The following ATAT1 variants were observed in gnomAD, a reference collection of about 807,000 sequenced individuals.
ATAT1 encodes alpha-tubulin N-acetyltransferase 1.
A neutral mutation model predicts 57.2 loss-of-function variants in ATAT1; 42 were observed. The ratio of observed to expected loss-of-function variants is 0.73; its 90% CI spans 0.57 to 0.95. The LOEUF is 0.95. Ranked by LOEUF, ATAT1 falls within the 40% of genes least tolerant of loss-of-function variation. The pLI is 0.00. For missense variants in ATAT1, 454 were observed against 523.7 expected, an observed-to-expected ratio of 0.87 and a Z score of 1.30; for synonymous variants, 168 against 187.1, an observed-to-expected ratio of 0.90 and a Z score of 0.83.
chr6:30,645,177 A>T (rs776175206), intron 10 of ATAT1, among the ~76,000 whole-genome samples: 10 of 151,160 alleles, frequency 6.6e-5, no homozygotes, highest in Non-Finnish European at 8.8e-5. Context: ...TAAATTCAAA[A>T]TTCAGCCTTG....
rs147473990 is a variant in ATAT1 at position 30,627,721 on chromosome 6, C to T, written c.218C>T (p.Ala73Val). 4 of 1,612,574 alleles carry T rather than the reference C, an allele frequency of 2.5e-6. No homozygotes were observed. The highest frequency in any genetic ancestry group is 3.3e-5 in the Admixed American group (2 of 60,000). Reference sequence around the variant, plus strand: ...GTTTATATTCTCAAAGACAGTTCAGCCCGACCGTGAGTGCCACATGCTCTT... The same window carrying T: ...GTTTATATTCTCAAAGACAGTTCAGTCCGACCGTGAGTGCCACATGCTCTT... The change falls in exon 3 of 13, where the codon GCC (alanine) becomes GTC (valine). Residue 73 changes from alanine (A) to valine (V), a missense_variant. Coordinates refer to ENST00000330083, the MANE Select transcript of ATAT1 (RefSeq NM_001031722.4).
chr6:30,646,442 C>G (rs781071404), intron 12 of ATAT1, 27 bp from the exon 13 acceptor site: 3 of 1,540,260 alleles, frequency 1.9e-6, no homozygotes, highest in South Asian at 2.5e-5. Context: ...ATTCCTATAA[C>G]CCACTCTCCA....
chr6:30,646,764 G>C lies in ATAT1; in HGVS notation c.*121G>C. 7.4e-7 allele frequency: 1 copy of C among 1,346,776 alleles called. No homozygotes were observed. The allele number at this position is 1,346,776 out of a possible 1,614,324, so 83.4% of individuals were successfully genotyped here. ...ATTCATTCATTCAGCAGGCTTATCA[G>C]ATTCAAGTCATTTGTATCTTTTAAC... is the stretch of plus-strand genomic sequence containing the variant. On this transcript the variant is annotated 3_prime_UTR_variant, in exon 13 of 13. Coordinates refer to ENST00000330083, the MANE Select transcript of ATAT1 (RefSeq NM_001031722.4).
chr6:30,642,104 A>G, intron 8 of ATAT1, 72 bp from the exon 9 acceptor site: 4 of 1,609,030 alleles, frequency 2.5e-6, no homozygotes, highest in African/African-American at 1.3e-5. Flanking sequence ...GGGTTGGGGT[A>G]TAGTGGCTGG....
At chr6:30,639,871 C>T (rs923184720) in intron 6 of ATAT1, among the ~76,000 whole-genome samples, 2 of 151,864 alleles carry the variant, frequency 1.3e-5, no homozygotes, top group South Asian at 4.1e-4. Flanking sequence ...TGGTGGCTCA[C>T]GTCTATAATC....
intron 10 of ATAT1, chr6:30,643,345 C>T (rs1765941068): frequency 7.0e-7 from 1 of 1,433,964 alleles, no homozygotes; most frequent in Non-Finnish European, 9.1e-7. Context: ...GGGGAAGGGG[C>T]AGTGTCTGAC....
chr6:30,627,210 T>G lies in ATAT1; in HGVS notation c.7T>G (p.Leu3Val), dbSNP rs984129470. Residue 3 changes from leucine (L) to valine (V), a missense_variant, in exon 1 of 13, where the codon TTG becomes GTG. Around this residue, in one of 3 missense-constraint regions of ATAT1, gnomAD observed 236 missense variants for 284.5 expected, o/e 0.83. Transcript: ENST00000330083. ...AAAATGTCCCAATCAAAGGATGTGG[T>G]TGACCTGGCCTTTCTGCTTCCTCAC... The G allele has an allele frequency of 6.2e-7, 1 of 1,613,818 alleles. No homozygotes were observed. Among genetic ancestry groups the G allele is most frequent in the East Asian group, 2.2e-5 (1 of 44,882 alleles).
intron 6 of ATAT1, among the ~76,000 whole-genome samples, chr6:30,633,449 C>A (rs1006723306): frequency 6.6e-6 from 1 of 152,128 alleles, no homozygotes; most frequent in Admixed American, 6.6e-5. Context: ...GAAGTGAGGA[C>A]CCCCAACTGG....
Position 30,640,498 on chromosome 6 carries a change from CCCTCACTGAGGGGCCCCGCCGCTTCCTT to C in ATAT1, c.548-30_548-3del. Reference sequence around the variant, plus strand: ...GAGCTGGACTCTTGGTCCTGCCGACCCCTCACTGAGGGGCCCCGCCGCTTCCTTCCTCACAGGGCCCCCTGCTCCCTCT... The same window carrying C: ...GAGCTGGACTCTTGGTCCTGCCGACCCCTCACAGGGCCCCCTGCTCCCTCT... On this transcript the variant is annotated splice_polypyrimidine_tract_variant and intron_variant, in intron 7 of 12. Coordinates refer to ENST00000330083, the MANE Select transcript of ATAT1 (RefSeq NM_001031722.4). 1.9e-6 allele frequency: 3 copies of C among 1,612,666 alleles called. No homozygotes were observed. Among genetic ancestry groups the C allele is most frequent in the Non-Finnish European group, 2.5e-6 (3 of 1,179,772 alleles).
rs981014246 is a variant in ATAT1, at chr6:30,646,230, A to G, written c.1055+121A>G. The G allele has an allele frequency of 3.4e-6, 5 of 1,486,156 alleles. No homozygotes were observed. The African/African-American group carries it at 7.0e-5, about 21-fold the overall frequency. The allele number at this position is 1,486,156 out of a possible 1,614,324, so 92.1% of individuals were successfully genotyped here. On this transcript the variant is annotated intron_variant, in intron 12 of 12. Coordinates refer to ENST00000330083, the MANE Select transcript of ATAT1 (RefSeq NM_001031722.4). ...TATGAACTGGACACCAGCTCCTCCC[A>G]CAATTCCTTCTACCTTACATCCTGC...
chr6:30,642,150 C>A, intron 8 of ATAT1, 26 bp from the exon 9 acceptor site: 1 of 1,613,948 alleles, frequency 6.2e-7, no homozygotes, highest in Non-Finnish European at 8.5e-7. Context: ...TAACGCTTAC[C>A]CTGCCTATGT....
In ATAT1 at chr6:30,642,833, G is replaced by GGGGCCCCCCCCCCCCCC; in HGVS notation, c.754_755insGGGCCCCCCCCCCCCCC (p.Ala252GlyfsTer73). On this transcript the variant is annotated frameshift_variant, in exon 10 of 13. Transcript: ENST00000330083. LOFTEE classifies it high-confidence loss of function. ...GGCCCCTCGCCGCGCCACACCTCCA[G>GGGGCCCCCCCCCCCCCC]CCCACCCACCCCCCCGCTCCAGCAG... The GGGGCCCCCCCCCCCCCC allele has an allele frequency of 5.2e-6, 8 of 1,537,856 alleles. No homozygotes were observed. Among genetic ancestry groups the GGGGCCCCCCCCCCCCCC allele is most frequent in the African/African-American group, 3.3e-5 (2 of 61,252 alleles).
At chr6:30,628,178 C>T in intron 5 of ATAT1, 33 bp downstream of exon 5, 1 of 1,588,660 alleles carries the variant, frequency 6.3e-7, no homozygotes, top group African/African-American at 1.3e-5. Flanking sequence ...TTCATCCAAA[C>T]TAGGGGCTCC....
Position 30,640,358 on chromosome 6 carries a change from T to C in ATAT1, c.502-19T>C. 6.2e-7 allele frequency: 1 copy of C among 1,612,744 alleles called. No individual in the cohort carries two copies. ...CGTTAAGTGATGCATGATTGTATTT[T>C]GTTTGTTTCATCTTCCAGGTGAACA... On this transcript the variant is annotated intron_variant, in intron 6 of 12. Coordinates refer to ENST00000330083, the MANE Select transcript of ATAT1 (RefSeq NM_001031722.4).
chr6:30,643,483 G>C (rs985552519), intron 10 of ATAT1: 3 of 1,542,494 alleles, frequency 1.9e-6, no homozygotes, highest in Admixed American at 4.0e-5. Context: ...CCCGCCCCCC[G>C]CCATTTCCCA....
chr6:30,629,645 C>T (rs538324149), intron 6 of ATAT1, among the ~76,000 whole-genome samples: 16 of 151,872 alleles, frequency 1.1e-4, no homozygotes, highest in Admixed American at 7.9e-4. Flanking sequence ...CCCAGGTTCA[C>T]GGCATTCTCC....
rs1297681115 is a variant in ATAT1, at chr6:30,627,049, T to C, written c.-155T>C. On this transcript the variant is annotated 5_prime_UTR_variant, in exon 1 of 13. Coordinates refer to ENST00000330083, the MANE Select transcript of ATAT1 (RefSeq NM_001031722.4). ...TCTCCCGGTTCCTCTCCAAACCTGGTCCAGGCACCACGCCCCCTTCTCACT... is the reference window on the plus strand; with the variant it reads ...TCTCCCGGTTCCTCTCCAAACCTGGCCCAGGCACCACGCCCCCTTCTCACT... 6.5e-7 allele frequency: 1 copy of C among 1,549,672 alleles called. No homozygotes were observed. The highest frequency in any genetic ancestry group is 8.7e-7 in the Non-Finnish European group (1 of 1,143,540).
At chr6:30,643,414 G>A in intron 10 of ATAT1, 1 of 1,505,704 alleles carries the variant, frequency 6.6e-7, no homozygotes, top group South Asian at 1.3e-5. Flanking sequence ...GCAGGGAGTG[G>A]GCATTTCCTT....
At chr6:30,639,191 A>G (rs1193667164) in intron 6 of ATAT1, among the ~76,000 whole-genome samples, 5 of 152,116 alleles carry the variant, frequency 3.3e-5, no homozygotes, top group Non-Finnish European at 7.3e-5. Context: ...CATCTTGGCC[A>G]GACCGGTCTT....
Sources: allele counts gnomAD v4.1 joint callset (sites outside exome capture counted in the v4.1 genomes callset), GRCh38; gene constraint gnomAD v4.1.1; regional missense constraint gnomAD v4.1.1; transcripts MANE v1.5; gene names NCBI Gene and HGNC (gene_info 2026-07-23, HGNC 2026-07-21).